Variants in CRYL1 observed in about 807,000 individuals in gnomAD.
CRYL1 encodes the protein crystallin lambda 1.
CRYL1 carries 29 observed loss-of-function variants against 36.6 expected under a neutral mutation model. That is an observed-to-expected ratio of 0.79 (90% CI 0.59 to 1.08). The LOEUF (loss-of-function observed/expected upper bound fraction) is 1.08, where lower values mean the gene tolerates loss of function less well. CRYL1 is among the 50% of genes least tolerant of loss of function. CRYL1 has a pLI of 0.00. For synonymous variants in CRYL1, 152 were observed against 151.5 expected, an observed-to-expected ratio of 1.00 and a Z score of -0.02; for missense variants, 411 against 407.9, an observed-to-expected ratio of 1.01 and a Z score of -0.06.
At chr13:20,469,986 T>G (rs1271219976) in intron 3 of CRYL1, among the ~76,000 whole-genome samples, 1 of 152,190 alleles carries the variant, frequency 6.6e-6, no homozygotes, top group African/African-American at 2.4e-5. Context: ...CAGGACTAAG[T>G]TCGCTAATTT....
At chr13:20,405,346 G>C (rs1046893237) in intron 6 of CRYL1, among the ~76,000 whole-genome samples, 4 of 152,110 alleles carry the variant, frequency 2.6e-5, no homozygotes, top group Non-Finnish European at 5.9e-5. Flanking sequence ...GGACCCTCCG[G>C]TTGGCCTGCG....
chr13:20,417,522 C>T (rs1593430508), intron 5 of CRYL1, among the ~76,000 whole-genome samples: 2 of 152,274 alleles, frequency 1.3e-5, no homozygotes, highest in Non-Finnish European at 2.9e-5. Context: ...TCAAGTCACA[C>T]ATACAAAGAA....
rs578255564 is a variant in CRYL1 at position 20,425,461 on chromosome 13, C to T, written c.633+6641G>A. On this transcript the variant is annotated intron_variant, in intron 5 of 7. Transcript: ENST00000298248. The surrounding 1 kb of genome is among the most constrained non-coding windows in gnomAD (Gnocchi z 4.4). Reference sequence around the variant, plus strand: ...TATTAGTGAAACGGCAGAGCCTCACCGGACTGCCAGAAAAGGACAGGCCAC... The same window carrying T: ...TATTAGTGAAACGGCAGAGCCTCACTGGACTGCCAGAAAAGGACAGGCCAC... Among the ~76,000 whole-genome samples the T allele has an allele frequency of 7.9e-5, 12 of 152,338 alleles. No individual in the cohort carries two copies. The South Asian group carries it at 8.3e-4, about 11-fold the overall frequency.
intron 3 of CRYL1, among the ~76,000 whole-genome samples, chr13:20,466,390 G>A (rs2032933245): frequency 6.6e-6 from 1 of 152,206 alleles, no homozygotes; most frequent in Non-Finnish European, 1.5e-5. Flanking sequence ...AATGTGATCA[G>A]ATATTAAAGG....
At chr13:20,477,699 A>C (rs2033192335) in intron 3 of CRYL1, among the ~76,000 whole-genome samples, 1 of 146,338 alleles carries the variant, frequency 6.8e-6, no homozygotes, top group Non-Finnish European at 1.5e-5. Context: ...AATATATTAA[A>C]AATATATATA....
chr13:20,495,217 A>C lies in CRYL1; in HGVS notation c.150-5721T>G, dbSNP rs571699917. 2.0e-5 allele frequency among the ~76,000 whole-genome samples: 3 copies of C among 152,316 alleles called. No individual in the cohort carries two copies. In the East Asian group the frequency reaches 5.8e-4, roughly 29 times the overall value. Reference sequence around the variant, plus strand: ...TGTGCCAATCAACCGGGATTTTCAAATGCCACACACATACCAGGCTGTGGC... The same window carrying C: ...TGTGCCAATCAACCGGGATTTTCAACTGCCACACACATACCAGGCTGTGGC... On this transcript the variant is annotated intron_variant, in intron 2 of 7. Coordinates refer to ENST00000298248, the MANE Select transcript of CRYL1 (RefSeq NM_015974.3).
In CRYL1 at chr13:20,451,918, G is replaced by T. The variant is rs555545858; in HGVS notation, c.277-12164C>A. ...CACTGGACTGGATAAAGAAAATGTGGTACATATAGCCCATGGAGGACTACG... is the reference window on the plus strand; with the variant it reads ...CACTGGACTGGATAAAGAAAATGTGTTACATATAGCCCATGGAGGACTACG... On this transcript the variant is annotated intron_variant, in intron 3 of 7. Coordinates refer to ENST00000298248, the MANE Select transcript of CRYL1 (RefSeq NM_015974.3). 3.3e-5 allele frequency among the ~76,000 whole-genome samples: 5 copies of T among 152,118 alleles called. No individual in the cohort carries two copies. In the South Asian group the frequency reaches 8.3e-4, roughly 25 times the overall value.
chr13:20,517,198 G>A (rs1220741287), intron 1 of CRYL1, among the ~76,000 whole-genome samples: 3 of 152,208 alleles, frequency 2.0e-5, no homozygotes, highest in Admixed American at 6.5e-5. Context: ...GTGCAAGCCT[G>A]GGAGTGGATG....
chr13:20,444,724 A>G (rs773196056), intron 3 of CRYL1, among the ~76,000 whole-genome samples: 8 of 152,166 alleles, frequency 5.3e-5, no homozygotes, highest in Non-Finnish European at 1.2e-4. Context: ...TTTTGAATAC[A>G]AATGTTTTTG....
At chr13:20,474,368 A>G (rs2033123477) in intron 3 of CRYL1, among the ~76,000 whole-genome samples, 1 of 152,136 alleles carries the variant, frequency 6.6e-6, no homozygotes, top group Admixed American at 6.5e-5. Flanking sequence ...TAGGGATGGG[A>G]TGTAGGCTTC....
At chr13:20,407,658 G>A (rs2031411949) in intron 6 of CRYL1, among the ~76,000 whole-genome samples, 1 of 152,080 alleles carries the variant, frequency 6.6e-6, no homozygotes, top group African/African-American at 2.4e-5. Flanking sequence ...GTCCCTTTGA[G>A]TTCTAATTCT....
rs924265321 is a variant in CRYL1, at chr13:20,494,984, C to T, written c.150-5488G>A. ...GACCCTGCTGTGTGGTCCCGAGGGA[C>T]GTCCAGTGAAAGCTGCGGAGGAGCT... On this transcript the variant is annotated intron_variant, in intron 2 of 7. Transcript: ENST00000298248. Among the ~76,000 whole-genome samples the T allele has an allele frequency of 3.3e-5, 5 of 152,348 alleles. 1 individual carries two copies. In the East Asian group the frequency reaches 9.6e-4, roughly 29 times the overall value.
chr13:20,466,705 T>TGTGTGTGA lies in CRYL1; in HGVS notation c.276+22664_276+22665insTCACACAC, dbSNP rs71866943. Among the ~76,000 whole-genome samples the TGTGTGTGA allele has an allele frequency of 3.0e-3, 452 of 151,244 alleles. 4 individuals carry two copies. The highest frequency in any genetic ancestry group is 0.017 in the East Asian group (87 of 5,102). ...CTCTGTGTGTGTGTGTGTGTGTGTG[T>TGTGTGTGA]GTGTGTAGTTGAAGTTGCACCTGCT... On this transcript the variant is annotated intron_variant, in intron 3 of 7. Transcript: ENST00000298248.
intron 3 of CRYL1, among the ~76,000 whole-genome samples, chr13:20,484,920 C>G (rs1181838503): frequency 6.6e-6 from 1 of 152,136 alleles, no homozygotes; most frequent in African/African-American, 2.4e-5. Context: ...TGTACTTTAA[C>G]AAACATGTGG....
intron 3 of CRYL1, among the ~76,000 whole-genome samples, chr13:20,446,800 T>A (rs983957895): frequency 6.6e-6 from 1 of 152,246 alleles, no homozygotes; most frequent in African/African-American, 2.4e-5. Flanking sequence ...TGTGTTTTTA[T>A]TAATGACTTA....
chr13:20,483,431 G>A (rs1461920227), intron 3 of CRYL1, among the ~76,000 whole-genome samples: 1 of 152,014 alleles, frequency 6.6e-6, no homozygotes, highest in East Asian at 1.9e-4. Flanking sequence ...CTGGGTTCAC[G>A]CCATCTGGAC....
At chr13:20,468,304 A>AT (rs1267737153) in intron 3 of CRYL1, among the ~76,000 whole-genome samples, 4 of 152,116 alleles carry the variant, frequency 2.6e-5, no homozygotes, top group Admixed American at 2.0e-4. Context: ...ATTTTAGTTT[A>AT]TTTTTAGAGA....
intron 5 of CRYL1, chr13:20,431,314 C>T (rs751589223): frequency 1.1e-5 from 11 of 985,334 alleles, no homozygotes; most frequent in Non-Finnish European, 1.3e-5. Context: ...GTCCTCCCTA[C>T]GCGGTGCAGC....
At chr13:20,431,499 C>A in intron 5 of CRYL1, 1 of 996,840 alleles carries the variant, frequency 1.0e-6, no homozygotes, top group Admixed American at 5.7e-5. Flanking sequence ...CTATCTCCTC[C>A]AGGCACCACG....
Sources: allele counts gnomAD v4.1 joint callset (sites outside exome capture counted in the v4.1 genomes callset), GRCh38; gene constraint gnomAD v4.1.1; non-coding constraint Gnocchi (gnomAD v3.1); transcripts MANE v1.5; gene names NCBI Gene and HGNC (gene_info 2026-07-23, HGNC 2026-07-21).